Variants in COMMD1 observed in about 807,000 individuals in gnomAD.
COMMD1 encodes the protein COMM domain-containing protein 1.
In COMMD1, 10 loss-of-function variants were observed where a neutral mutation model predicts 17.2. That is an observed-to-expected ratio of 0.58 (90% CI 0.36 to 0.99). The LOEUF is 0.99. Among genes scored for constraint, COMMD1 ranks in the 50% least tolerant of loss-of-function variants. COMMD1 has a pLI of 0.01. For missense variants in COMMD1, 270 were observed against 231.8 expected, an observed-to-expected ratio of 1.17 and a Z score of -1.07; for synonymous variants, 97 against 91.6, an observed-to-expected ratio of 1.06 and a Z score of -0.34.
chr2:62,021,101 A>G (rs1669601784), intron 2 of COMMD1, among the ~76,000 whole-genome samples: 1 of 152,204 alleles, frequency 6.6e-6, no homozygotes, highest in Non-Finnish European at 1.5e-5. Flanking sequence ...TAGTACTCAG[A>G]GGCATGATCT....
intron 2 of COMMD1, among the ~76,000 whole-genome samples, chr2:62,027,854 A>G (rs530350435): frequency 3.9e-5 from 6 of 151,932 alleles, no homozygotes; most frequent in East Asian, 3.9e-4. Context: ...TGAAGAGACA[A>G]TTTCTTGCTA....
intron 1 of COMMD1, among the ~76,000 whole-genome samples, chr2:61,922,071 T>C (rs758820970): frequency 6.6e-6 from 1 of 152,220 alleles, no homozygotes; most frequent in Non-Finnish European, 1.5e-5. Context: ...TAGAAAATGA[T>C]CAGTTTTATA....
At chr2:62,091,790 C>T (rs1671836491) in intron 2 of COMMD1, among the ~76,000 whole-genome samples, 1 of 152,170 alleles carries the variant, frequency 6.6e-6, no homozygotes, top group Non-Finnish European at 1.5e-5. Context: ...TGTAACCAGG[C>T]AGTTGTCTCA....
intron 1 of COMMD1, among the ~76,000 whole-genome samples, chr2:61,930,537 CAG>C (rs1303139578): frequency 2.0e-5 from 3 of 151,738 alleles, no homozygotes; most frequent in African/African-American, 7.3e-5. Flanking sequence ...TCCTGGGTGA[CAG>C]AGCAAGACTC....
In COMMD1 at chr2:62,001,289, T is replaced by G. The variant is rs542784693; in HGVS notation, c.462+307T>G. 2.1e-4 allele frequency among the ~76,000 whole-genome samples: 32 copies of G among 152,300 alleles called. 1 individual carries two copies. The highest frequency in any genetic ancestry group is 4.0e-4 in the Non-Finnish European group (27 of 68,028). The stretch of plus-strand genomic sequence containing the variant: ...AAATCCTTGGCATTTGTTCAGAATT[T>G]CCAAGGCAATGATAGAGATAATAAA... On this transcript the variant is annotated intron_variant, in intron 2 of 2. Transcript: ENST00000311832.
chr2:62,065,418 G>C (rs1036973725), intron 2 of COMMD1, among the ~76,000 whole-genome samples: 1 of 147,452 alleles, frequency 6.8e-6, no homozygotes, highest in African/African-American at 2.5e-5. Context: ...TGACCTCCTG[G>C]GCTCAAGCAA....
chr2:62,022,287 C>T (rs1669631219), intron 2 of COMMD1, among the ~76,000 whole-genome samples: 1 of 151,144 alleles, frequency 6.6e-6, no homozygotes, highest in Non-Finnish European at 1.5e-5. Context: ...TTTTTAACTC[C>T]TCTGTCAGAC....
At chr2:61,947,556 G>A (rs972969931) in intron 1 of COMMD1, among the ~76,000 whole-genome samples, 5 of 151,954 alleles carry the variant, frequency 3.3e-5, no homozygotes, top group Admixed American at 6.6e-5. Context: ...GGTGGCGGGC[G>A]CCTGTAATCC....
In COMMD1 at chr2:61,978,523, A is replaced by G. The variant is rs1671866323; in HGVS notation, c.181-22178A>G. On this transcript the variant is annotated intron_variant, in intron 1 of 2. Transcript: ENST00000311832. ...GTATCATTATCTTGAGGTTCATTCT[A>G]TTTATTTATTTTAAAATAACAGTCA... 6.6e-5 allele frequency among the ~76,000 whole-genome samples: 10 copies of G among 152,254 alleles called. No homozygotes were observed. The South Asian group carries it at 2.1e-3, about 32-fold the overall frequency.
intron 1 of COMMD1, among the ~76,000 whole-genome samples, chr2:61,925,389 T>G (rs1190213131): frequency 2.6e-5 from 4 of 151,554 alleles, no homozygotes; most frequent in Non-Finnish European, 5.9e-5. Flanking sequence ...GGGTTTATAT[T>G]GGGGAGGGGA....
At chr2:61,963,662 T>G (rs937880469) in intron 1 of COMMD1, among the ~76,000 whole-genome samples, 1 of 152,022 alleles carries the variant, frequency 6.6e-6, no homozygotes, top group African/African-American at 2.4e-5. Context: ...TGTTTAGAAG[T>G]GAAGGTGGCT....
intron 1 of COMMD1, chr2:61,888,906 T>C (rs1266496861): frequency 1.2e-5 from 2 of 170,884 alleles, no homozygotes; most frequent in Non-Finnish European, 2.5e-5. Context: ...CTTTTTTTTT[T>C]TTTTTTTTTC....
At chr2:62,000,028 T>C (rs890136576) in intron 1 of COMMD1, among the ~76,000 whole-genome samples, 3 of 151,220 alleles carry the variant, frequency 2.0e-5, no homozygotes, top group Non-Finnish European at 2.9e-5. Flanking sequence ...GTTCAAGCGA[T>C]TCTCCTGCCT....
intron 1 of COMMD1, among the ~76,000 whole-genome samples, chr2:61,936,958 G>A (rs1446455907): frequency 6.6e-6 from 1 of 152,184 alleles, no homozygotes; most frequent in African/African-American, 2.4e-5. Flanking sequence ...GTCAATACGT[G>A]TGAGATTTAC....
chr2:62,086,531 T>G (rs1238002428), intron 2 of COMMD1, among the ~76,000 whole-genome samples: 1 of 151,614 alleles, frequency 6.6e-6, no homozygotes, highest in Non-Finnish European at 1.5e-5. Flanking sequence ...AAAAAAATTG[T>G]CTTCTGTTTC....
intron 1 of COMMD1, among the ~76,000 whole-genome samples, chr2:61,968,616 G>C (rs1671565807): frequency 6.6e-6 from 1 of 152,090 alleles, no homozygotes. Context: ...GAGTCCCATG[G>C]TATAATTTTG....
intron 2 of COMMD1, among the ~76,000 whole-genome samples, chr2:62,079,075 G>A (rs372803103): frequency 2.0e-5 from 3 of 152,106 alleles, no homozygotes; most frequent in East Asian, 1.9e-4. Flanking sequence ...AGTCTTTCAC[G>A]TTAAATTTTA....
chr2:61,953,271 A>T (rs1450716431), intron 1 of COMMD1, among the ~76,000 whole-genome samples: 1 of 151,972 alleles, frequency 6.6e-6, no homozygotes, highest in Non-Finnish European at 1.5e-5. Context: ...CGGCCTCCCA[A>T]CGTGCTGCTG....
intron 1 of COMMD1, among the ~76,000 whole-genome samples, chr2:61,965,908 A>G (rs1671493214): frequency 6.6e-6 from 1 of 152,226 alleles, no homozygotes; most frequent in South Asian, 2.1e-4. Flanking sequence ...GCTTGGTTTC[A>G]TTAATGATGC....
Sources: allele counts gnomAD v4.1 joint callset (sites outside exome capture counted in the v4.1 genomes callset), GRCh38; gene constraint gnomAD v4.1.1; transcripts MANE v1.5; gene names NCBI Gene and HGNC (gene_info 2026-07-23, HGNC 2026-07-21).